Variants in ATXN1 observed in about 807,000 individuals in gnomAD.
ATXN1 encodes ataxin-1.
In ATXN1, 8 loss-of-function variants were observed where a neutral mutation model predicts 56.4. That is an observed-to-expected ratio of 0.14 (90% CI 0.08 to 0.26). The LOEUF is 0.26. ATXN1 is among the 10% of genes least tolerant of loss of function. The pLI is 1.00. For synonymous variants in ATXN1, 514 were observed against 494.6 expected (o/e 1.04, Z -0.52); for missense variants, 987 against 1,106.5 (o/e 0.89, Z 1.53).
chr6:16,716,101 G>A (rs1474899093), intron 2 of ATXN1, among the ~76,000 whole-genome samples: 1 of 152,084 alleles, frequency 6.6e-6, no homozygotes, highest in Non-Finnish European at 1.5e-5. Flanking sequence ...TATGATCACA[G>A]TCCTATGATG....
At chr6:16,449,153 T>C (rs773693170) in intron 6 of ATXN1, among the ~76,000 whole-genome samples, 2 of 152,038 alleles carry the variant, frequency 1.3e-5, no homozygotes, top group Non-Finnish European at 2.9e-5. Flanking sequence ...TTTTTAAACA[T>C]ATAAACTTAA....
intron 6 of ATXN1, among the ~76,000 whole-genome samples, chr6:16,472,780 G>C (rs540166739): frequency 6.6e-4 from 100 of 152,280 alleles, no homozygotes; most frequent in African/African-American, 1.8e-3. Flanking sequence ...TCAGTTAGCA[G>C]TGCTGGTGAT....
chr6:16,661,450 C>A (rs534457608), intron 2 of ATXN1, among the ~76,000 whole-genome samples: 2 of 152,168 alleles, frequency 1.3e-5, no homozygotes, highest in African/African-American at 4.8e-5. Flanking sequence ...ATTTTAAGGG[C>A]TCATTTGGTC....
rs1760018881 is a variant in ATXN1, at chr6:16,299,227, T to TATTA, written c.*7098_*7101dup. 1 of 152,682 alleles carries TATTA rather than the reference T, an allele frequency of 6.5e-6. No individual in the cohort carries two copies. The highest frequency in any genetic ancestry group is 6.5e-5 in the Admixed American group (1 of 15,282). 9.5% of individuals were successfully genotyped at this position (152,682 alleles called of 1,614,324 possible). A position where few individuals can be genotyped will look rare whatever the true frequency, so the allele number is the denominator to read the frequency against. On this transcript the variant is annotated 3_prime_UTR_variant, in exon 8 of 8. Coordinates refer to ENST00000436367, the MANE Select transcript of ATXN1 (RefSeq NM_001128164.2). Reference sequence around the variant, plus strand: ...TCAAATTTTGAATCAAACATTGTTTTATTATAATAATGAAATAATTTCTAC... The same window carrying TATTA: ...TCAAATTTTGAATCAAACATTGTTTTATTAATTATAATAATGAAATAATTTCTAC...
intron 4 of ATXN1, among the ~76,000 whole-genome samples, chr6:16,528,810 G>A (rs565955597): frequency 1.5e-4 from 23 of 152,304 alleles, no homozygotes; most frequent in African/African-American, 5.1e-4. Flanking sequence ...CACGGTCAAA[G>A]AGAAAAGATG....
intron 6 of ATXN1, among the ~76,000 whole-genome samples, chr6:16,350,880 C>T (rs1212458807): frequency 2.6e-5 from 4 of 152,056 alleles, no homozygotes; most frequent in Non-Finnish European, 5.9e-5. Flanking sequence ...GCCAGGAATT[C>T]GAGACCAGCC....
rs1275021855 is a variant in ATXN1 at position 16,299,407 on chromosome 6, T to C, written c.*6922A>G. ...TTTAAAAAAGCTAGTGCAAGTACAA[T>C]ATTTTACACTGGAATTACAGAGAGT... On this transcript the variant is annotated 3_prime_UTR_variant, in exon 8 of 8. Coordinates refer to ENST00000436367, the MANE Select transcript of ATXN1 (RefSeq NM_001128164.2). 1 of 152,622 alleles carries C rather than the reference T, an allele frequency of 6.6e-6. No homozygotes were observed. Among genetic ancestry groups the C allele is most frequent in the Non-Finnish European group, 1.5e-5 (1 of 68,026 alleles). The allele number at this position is 152,622 out of a possible 1,614,324, so 9.5% of individuals were successfully genotyped here.
At chr6:16,334,964 T>C (rs1038234347) in intron 6 of ATXN1, among the ~76,000 whole-genome samples, 14 of 152,128 alleles carry the variant, frequency 9.2e-5, no homozygotes, top group African/African-American at 3.1e-4. Context: ...ATGAGAATGG[T>C]TAAAAATGGA....
At chr6:16,492,901 C>T (rs1366603050) in intron 5 of ATXN1, among the ~76,000 whole-genome samples, 1 of 152,190 alleles carries the variant, frequency 6.6e-6, no homozygotes, top group Non-Finnish European at 1.5e-5. Context: ...TTGCTCCAAA[C>T]CCAGCTCCTC....
chr6:16,449,916 T>C (rs1179625294), intron 6 of ATXN1, among the ~76,000 whole-genome samples: 3 of 152,270 alleles, frequency 2.0e-5, no homozygotes, highest in Non-Finnish European at 4.4e-5. Flanking sequence ...ATTGCAGCTG[T>C]CATCTCTAAC....
chr6:16,338,100 A>C (rs1761165696), intron 6 of ATXN1, among the ~76,000 whole-genome samples: 1 of 152,354 alleles, frequency 6.6e-6, no homozygotes, highest in South Asian at 2.1e-4. Flanking sequence ...ATTACTACTA[A>C]GGACACACAG....
chr6:16,448,605 A>C (rs1337760265), intron 6 of ATXN1, among the ~76,000 whole-genome samples: 2 of 152,228 alleles, frequency 1.3e-5, no homozygotes, highest in African/African-American at 4.8e-5. Context: ...TATGAGTCTT[A>C]GCACAGAGAA....
In ATXN1 at chr6:16,326,129, A is replaced by T. The variant is rs1760798736; in HGVS notation, c.1917+265T>A. Among the ~76,000 whole-genome samples, 5 of 152,082 alleles carry T rather than the reference A, an allele frequency of 3.3e-5. No homozygotes were observed. Among genetic ancestry groups the T allele is most frequent in the Admixed American group, 3.3e-4 (5 of 15,280 alleles). ...ATCACAGAATTCAAAAAATAACTAG[A>T]GTGGTGAGTTTCTGGATTGTCTCAA... On this transcript the variant is annotated intron_variant, in intron 7 of 7. Transcript: ENST00000436367. The surrounding 1 kb of genome is among the most constrained non-coding windows in gnomAD (Gnocchi z 6.6).
At chr6:16,574,129 C>G (rs1000876345) in intron 4 of ATXN1, among the ~76,000 whole-genome samples, 2 of 152,112 alleles carry the variant, frequency 1.3e-5, no homozygotes, top group African/African-American at 4.8e-5. Context: ...CAGGTTCAAG[C>G]AATTCTCTTG....
At chr6:16,548,547 C>T (rs549326415) in intron 4 of ATXN1, among the ~76,000 whole-genome samples, 28 of 152,092 alleles carry the variant, frequency 1.8e-4, no homozygotes, top group African/African-American at 5.8e-4. Context: ...TAAAGTTGTA[C>T]GAAAATATTT....
intron 2 of ATXN1, among the ~76,000 whole-genome samples, chr6:16,707,459 T>A (rs1004926652): frequency 6.6e-6 from 1 of 152,188 alleles, no homozygotes; most frequent in Admixed American, 6.5e-5. Flanking sequence ...CCTCCTAAAG[T>A]CTCCTGGACT....
rs1303452832 is a variant in ATXN1 at position 16,760,473 on chromosome 6, G to A, written c.-730+825C>T. ...GCCGCACCAACAGGGCGGCGGTGGC[G>A]GCGGCGGCCAGGGCCGTCACCGCCA... On this transcript the variant is annotated intron_variant, in intron 1 of 7. Coordinates refer to ENST00000436367, the MANE Select transcript of ATXN1 (RefSeq NM_001128164.2). The surrounding 1 kb of genome is among the most constrained non-coding windows in gnomAD (Gnocchi z 5.3). Among the ~76,000 whole-genome samples the A allele has an allele frequency of 6.6e-6, 1 of 150,618 alleles. No homozygotes were observed. The highest frequency in any genetic ancestry group is 1.5e-5 in the Non-Finnish European group (1 of 67,466).
intron 6 of ATXN1, among the ~76,000 whole-genome samples, chr6:16,474,448 C>G (rs1211295759): frequency 1.3e-5 from 2 of 152,178 alleles, no homozygotes; most frequent in African/African-American, 4.8e-5. Context: ...GGCAAACCAG[C>G]CTTCTAGTAG....
At chr6:16,740,783 T>C (rs1371949529) in intron 2 of ATXN1, among the ~76,000 whole-genome samples, 1 of 152,198 alleles carries the variant, frequency 6.6e-6, no homozygotes, top group Non-Finnish European at 1.5e-5. Flanking sequence ...TCCCACCGCC[T>C]TGGCCTCCCA....
Sources: allele counts gnomAD v4.1 joint callset (sites outside exome capture counted in the v4.1 genomes callset), GRCh38; gene constraint gnomAD v4.1.1; non-coding constraint Gnocchi (gnomAD v3.1); transcripts MANE v1.5; gene names NCBI Gene and HGNC (gene_info 2026-07-23, HGNC 2026-07-21).